The following EDAR variants were observed in gnomAD, a reference collection of about 807,000 sequenced individuals.
The protein encoded by EDAR is ectodysplasin A receptor.
Under a neutral mutation model 51.3 loss-of-function variants are expected in EDAR, and 38 were observed. The ratio of observed to expected loss-of-function variants is 0.74; its 90% CI spans 0.57 to 0.97. The LOEUF is 0.97. Ranked by LOEUF, EDAR falls within the 50% of genes least tolerant of loss-of-function variation. The pLI is 0.00. For synonymous variants in EDAR, 227 were observed against 242.1 expected, an observed-to-expected ratio of 0.94 and a Z score of 0.58; for missense variants, 528 against 595.0, an observed-to-expected ratio of 0.89 and a Z score of 1.17.
chr2:108,942,815 A>C (rs1245140960), intron 1 of EDAR, among the ~76,000 whole-genome samples: 1 of 152,246 alleles, frequency 6.6e-6, no homozygotes, highest in Non-Finnish European at 1.5e-5. Flanking sequence ...AAGAAAACTC[A>C]ACAGCAGCAA....
rs1397646108 is a variant in EDAR at position 108,973,498 on chromosome 2, C to T, written c.-19+15462G>A. Among the ~76,000 whole-genome samples the T allele has an allele frequency of 2.6e-5, 4 of 152,264 alleles. No homozygotes were observed. The East Asian group carries it at 7.7e-4, about 29-fold the overall frequency. On this transcript the variant is annotated intron_variant, in intron 1 of 11. Transcript: ENST00000258443. Reference sequence around the variant, plus strand: ...AGTGCTTTCCAGTACCTGAGGATGCCAAGGGCCTGAACCCTGGCAGAATCT... The same window carrying T: ...AGTGCTTTCCAGTACCTGAGGATGCTAAGGGCCTGAACCCTGGCAGAATCT...
chr2:108,976,448 C>T (rs1574414582), intron 1 of EDAR, among the ~76,000 whole-genome samples: 2 of 152,298 alleles, frequency 1.3e-5, no homozygotes, highest in African/African-American at 4.8e-5. Flanking sequence ...GAAGCAGTGA[C>T]TGGCAGGATT....
At chr2:108,974,163 A>G (rs1349870672) in intron 1 of EDAR, among the ~76,000 whole-genome samples, 1 of 151,310 alleles carries the variant, frequency 6.6e-6, no homozygotes, top group Non-Finnish European at 1.5e-5. Flanking sequence ...CCCCGTCTCT[A>G]CTAAAAAATA....
In EDAR at chr2:108,916,546, T is replaced by C. The variant is rs1028343448; in HGVS notation, c.443-3782A>G. Among the ~76,000 whole-genome samples the C allele has an allele frequency of 3.3e-5, 5 of 152,114 alleles. 1 individual carries two copies. Among genetic ancestry groups the C allele is most frequent in the African/African-American group, 7.2e-5 (3 of 41,428 alleles). ...CTGCCCTCGGCCAGCTGTGCCTCTA[T>C]CCTGATCACCGGATGGTTCCCTCCA... On this transcript the variant is annotated intron_variant, in intron 5 of 11. Coordinates refer to ENST00000258443, the MANE Select transcript of EDAR (RefSeq NM_022336.4).
intron 1 of EDAR, among the ~76,000 whole-genome samples, chr2:108,931,777 T>C (rs1697371271): frequency 6.6e-6 from 1 of 152,200 alleles, no homozygotes; most frequent in South Asian, 2.1e-4. Flanking sequence ...CCTGTGTTTC[T>C]GACTCAAAGC....
intron 5 of EDAR, among the ~76,000 whole-genome samples, chr2:108,920,145 C>T (rs542828467): frequency 3.9e-5 from 6 of 152,360 alleles, no homozygotes; most frequent in South Asian, 4.1e-4. Flanking sequence ...GGCCAGCTCA[C>T]GTGCCGTGGA....
intron 1 of EDAR, among the ~76,000 whole-genome samples, chr2:108,941,515 C>G (rs113239454): frequency 1.4e-3 from 220 of 152,298 alleles, no homozygotes; most frequent in African/African-American, 4.9e-3. Flanking sequence ...CCCTTCCTGA[C>G]CAGCTGGCAG....
Position 108,923,198 on chromosome 2 carries a change from T to C in EDAR, c.442+170A>G, listed in dbSNP as rs2077536. Among the ~76,000 whole-genome samples the C allele has an allele frequency of 0.17, 25,947 of 152,098 alleles. 4,143 individuals carry two copies. The highest frequency in any genetic ancestry group is 0.43 in the African/African-American group (17,692 of 41,442). On this transcript the variant is annotated intron_variant, in intron 5 of 11. Transcript: ENST00000258443. The stretch of plus-strand genomic sequence containing the variant: ...ACTCAAGGCTCAGATGTGGCAAACA[T>C]CCCTCCCTTCATAGACCTGCCTGGA...
intron 1 of EDAR, among the ~76,000 whole-genome samples, chr2:108,950,863 G>C (rs1344594452): frequency 6.6e-6 from 1 of 152,228 alleles, no homozygotes; most frequent in African/African-American, 2.4e-5. Context: ...CTGGAGCAAG[G>C]GACCCAGGCC....
At chr2:108,967,494 C>G (rs114746999) in intron 1 of EDAR, among the ~76,000 whole-genome samples, 2,286 of 152,136 alleles carry the variant, frequency 0.015, 62 homozygotes, top group African/African-American at 0.053. Flanking sequence ...TCCTACTTGT[C>G]TTTTTATCCT....
intron 1 of EDAR, among the ~76,000 whole-genome samples, chr2:108,954,945 A>C (rs1032148615): frequency 6.6e-6 from 1 of 151,994 alleles, no homozygotes; most frequent in African/African-American, 2.4e-5. Flanking sequence ...CAGCCTCCCA[A>C]AGTGCTGGGA....
chr2:108,911,416 G>GGAAGGCAGCACAATT (rs1696927338), intron 6 of EDAR, among the ~76,000 whole-genome samples: 1 of 152,032 alleles, frequency 6.6e-6, no homozygotes, highest in African/African-American at 2.4e-5. Flanking sequence ...AACAAGAGTG[G>GGAAGGCAGCACAATT]CTGGAAGGCA....
At chr2:108,964,526 C>A (rs2104416033) in intron 1 of EDAR, among the ~76,000 whole-genome samples, 1 of 152,302 alleles carries the variant, frequency 6.6e-6, no homozygotes, top group Non-Finnish European at 1.5e-5. Context: ...AAAACCCCAA[C>A]AAACTCCAAA....
intron 11 of EDAR, among the ~76,000 whole-genome samples, chr2:108,901,962 G>A (rs1477880469): frequency 6.6e-6 from 1 of 151,938 alleles, no homozygotes; most frequent in Non-Finnish European, 1.5e-5. Context: ...AATTAGGGCT[G>A]GGCATGGTGG....
At chr2:108,988,005 C>A (rs1398980024) in intron 1 of EDAR, among the ~76,000 whole-genome samples, 1 of 152,186 alleles carries the variant, frequency 6.6e-6, no homozygotes, top group African/African-American at 2.4e-5. Flanking sequence ...TAGAAAGTGT[C>A]TCAAAAATGC....
At chr2:108,946,062 C>G (rs1292849880) in intron 1 of EDAR, among the ~76,000 whole-genome samples, 2 of 152,228 alleles carry the variant, frequency 1.3e-5, no homozygotes, top group African/African-American at 4.8e-5. Context: ...ATGAAGGAAT[C>G]TGACATTAGG....
At chr2:108,961,699 G>A (rs917806613) in intron 1 of EDAR, among the ~76,000 whole-genome samples, 1 of 152,208 alleles carries the variant, frequency 6.6e-6, no homozygotes, top group African/African-American at 2.4e-5. Flanking sequence ...CTTGGGCTCA[G>A]CTCAGCCTTG....
At chr2:108,957,781 G>C (rs1697954384) in intron 1 of EDAR, among the ~76,000 whole-genome samples, 1 of 152,186 alleles carries the variant, frequency 6.6e-6, no homozygotes, top group African/African-American at 2.4e-5. Context: ...AAAGCAAAGG[G>C]TATTTCTTTC....
At position 108,908,626 on chromosome 2, in the gene EDAR, A is replaced by G. The variant is rs114372203; in HGVS notation, c.804-607T>C. On this transcript the variant is annotated intron_variant, in intron 9 of 11. Coordinates refer to ENST00000258443, the MANE Select transcript of EDAR (RefSeq NM_022336.4). Reference sequence around the variant, plus strand: ...GGTCGGACCCACCAAGCCCAGGTTCATGCCGCCCTGTGGCTCACAGCCCAC... The same window carrying G: ...GGTCGGACCCACCAAGCCCAGGTTCGTGCCGCCCTGTGGCTCACAGCCCAC... Among the ~76,000 whole-genome samples, 738 of 152,258 alleles carry G rather than the reference A, an allele frequency of 4.8e-3. 8 individuals are homozygous for G. The highest frequency in any genetic ancestry group is 0.015 in the African/African-American group (609 of 41,556).
Sources: allele counts gnomAD v4.1 joint callset (sites outside exome capture counted in the v4.1 genomes callset), GRCh38; gene constraint gnomAD v4.1.1; transcripts MANE v1.5; gene names NCBI Gene and HGNC (gene_info 2026-07-23, HGNC 2026-07-21).